PDILT: variants seen among roughly 807,000 people sequenced by gnomAD.
PDILT encodes protein disulfide-isomerase-like protein of the testis.
Under a neutral mutation model 53.7 loss-of-function variants are expected in PDILT, and 43 were observed. The ratio of observed to expected loss-of-function variants is 0.80; its 90% CI spans 0.63 to 1.03. PDILT has a LOEUF of 1.03. PDILT is among the 50% of genes least tolerant of loss of function. The pLI is 0.00. For synonymous variants in PDILT, 282 were observed against 274.2 expected (o/e 1.03, Z -0.28); for missense variants, 727 against 712.3 (o/e 1.02, Z -0.24).
At chr16:20,365,331 A>C in intron 9 of PDILT, 89 bp downstream of exon 9, 1 of 1,475,940 alleles carries the variant, frequency 6.8e-7, no homozygotes. Context: ...GATGGGTTTT[A>C]GAGATTTCAG....
intron 3 of PDILT, among the ~76,000 whole-genome samples, 200 bp from the exon 4 acceptor site, chr16:20,376,401 G>A (rs1269674684): frequency 1.3e-5 from 2 of 152,132 alleles, no homozygotes; most frequent in Non-Finnish European, 2.9e-5. Flanking sequence ...ATGTTACTGA[G>A]CACTCAACAA....
At chr16:20,404,468 G>A (rs1028190887) in intron 1 of PDILT, 28 bp downstream of exon 1, 2 of 152,268 alleles carry the variant, frequency 1.3e-5, no homozygotes, top group Non-Finnish European at 2.9e-5. Flanking sequence ...CCATCAGTCA[G>A]ATTTCCCATT....
intron 7 of PDILT, among the ~76,000 whole-genome samples, chr16:20,372,596 C>T (rs1966322578): frequency 6.7e-6 from 1 of 149,272 alleles, no homozygotes. Flanking sequence ...AGACACTGGG[C>T]AGGAAGAATG....
chr16:20,366,983 CCTTCCTTTCTTTCTTT>C (rs1966205561), intron 8 of PDILT, among the ~76,000 whole-genome samples: 6 of 32,376 alleles, frequency 1.9e-4, no homozygotes, highest in African/African-American at 5.5e-4. Context: ...TTCCTTCCTT[CCTTCCTTTCTTTCTTT>C]CTTTATTTAT....
rs898628034 is a variant in PDILT at position 20,373,669 on chromosome 16, T to C, written c.682-547A>G. ...GCCTACACTTGTGCCAATCACTGAG[T>C]TTTGGCCAATCAAAGGTGGCCAACT... On this transcript the variant is annotated intron_variant, in intron 5 of 11. Coordinates refer to ENST00000302451, the MANE Select transcript of PDILT (RefSeq NM_174924.2). Among the ~76,000 whole-genome samples, 13 of 152,170 alleles carry C rather than the reference T, an allele frequency of 8.5e-5. 1 individual carries two copies.
At chr16:20,392,809 C>T (rs1966621495) in intron 2 of PDILT, among the ~76,000 whole-genome samples, 1 of 152,128 alleles carries the variant, frequency 6.6e-6, no homozygotes. Flanking sequence ...TGATTGGTTC[C>T]CTCTGTAGCC....
At chr16:20,386,414 C>A (rs150830773) in intron 2 of PDILT, among the ~76,000 whole-genome samples, 1 of 152,296 alleles carries the variant, frequency 6.6e-6, no homozygotes, top group African/African-American at 2.4e-5. Flanking sequence ...TGCCGCCCAC[C>A]CCCGTGGTCC....
rs191523507 is a variant in PDILT at position 20,370,935 on chromosome 16, C to T, written c.919-1246G>A. Among the ~76,000 whole-genome samples the T allele has an allele frequency of 7.6e-4, 116 of 152,348 alleles. No individual in the cohort carries two copies. The East Asian group carries it at 0.013, about 17-fold the overall frequency. On this transcript the variant is annotated intron_variant, in intron 7 of 11. Transcript: ENST00000302451. ...AAAGGGGAAGCATGAATAATCCACT[C>T]CTTGTTTAGCATATAATCAAGAAAT... is the stretch of plus-strand genomic sequence containing the variant.
intron 3 of PDILT, among the ~76,000 whole-genome samples, chr16:20,383,951 T>G (rs958798946): frequency 5.3e-5 from 8 of 152,208 alleles, no homozygotes; most frequent in African/African-American, 1.4e-4. Flanking sequence ...ACATGGTAGC[T>G]TGTCAATAAA....
intron 1 of PDILT, 80 bp from the exon 2 acceptor site, chr16:20,399,387 C>T (rs2141624031): frequency 6.8e-6 from 10 of 1,464,996 alleles, no homozygotes; most frequent in Non-Finnish European, 9.4e-6. Context: ...CTTCCTTGTC[C>T]AGCTGGTCCA....
intron 3 of PDILT, among the ~76,000 whole-genome samples, chr16:20,382,521 T>A (rs1016920541): frequency 5.9e-5 from 9 of 152,184 alleles, no homozygotes; most frequent in African/African-American, 2.2e-4. Flanking sequence ...GCAGAAAACA[T>A]TTGCTGACTC....
At chr16:20,372,781 G>T (rs768614622) in intron 7 of PDILT, 21 bp downstream of exon 7, 2 of 1,610,272 alleles carry the variant, frequency 1.2e-6, no homozygotes, top group South Asian at 2.2e-5. Context: ...GTCCCAGAGA[G>T]CAATGGTGCA....
chr16:20,373,962 C>A (rs1022482148), intron 5 of PDILT, among the ~76,000 whole-genome samples: 1 of 151,890 alleles, frequency 6.6e-6, no homozygotes, highest in Non-Finnish European at 1.5e-5. Context: ...TATTGTATTT[C>A]TTTTTGAGAC....
At chr16:20,366,090 CAAAAAAAA>C (rs34816350) in intron 8 of PDILT, among the ~76,000 whole-genome samples, 6 of 72,292 alleles carry the variant, frequency 8.3e-5, no homozygotes, top group Admixed American at 1.6e-4. Flanking sequence ...ATTTCGTCTC[CAAAAAAAA>C]AAAAAAAAAA....
intron 2 of PDILT, among the ~76,000 whole-genome samples, chr16:20,398,183 T>C (rs2141622816): frequency 6.6e-6 from 1 of 152,218 alleles, no homozygotes; most frequent in South Asian, 2.1e-4. Flanking sequence ...TATGGGGAAG[T>C]TGTTATGAAA....
At chr16:20,367,468 T>C (rs1025927871) in intron 8 of PDILT, among the ~76,000 whole-genome samples, 11 of 152,002 alleles carry the variant, frequency 7.2e-5, no homozygotes, top group African/African-American at 2.7e-4. Context: ...ATGGTGACAA[T>C]TGTGGGGAAT....
chr16:20,399,416 T>A (rs557140263), intron 1 of PDILT, 109 bp from the exon 2 acceptor site: 355 of 1,179,762 alleles, frequency 3.0e-4, no homozygotes, highest in Non-Finnish European at 3.8e-4. Context: ...GAATGTGGCC[T>A]GAGCATTGCC....
chr16:20,387,534 C>T (rs1555491317), intron 2 of PDILT, among the ~76,000 whole-genome samples: 1 of 152,162 alleles, frequency 6.6e-6, no homozygotes, highest in Non-Finnish European at 1.5e-5. Context: ...ACTGAATAGA[C>T]TTTGACTTTT....
intron 3 of PDILT, among the ~76,000 whole-genome samples, chr16:20,381,410 G>A (rs1425915802): frequency 6.6e-6 from 1 of 152,092 alleles, no homozygotes; most frequent in Non-Finnish European, 1.5e-5. Context: ...GCCGAGACAG[G>A]TGGATCATGA....
Sources: allele counts gnomAD v4.1 joint callset (sites outside exome capture counted in the v4.1 genomes callset), GRCh38; gene constraint gnomAD v4.1.1; transcripts MANE v1.5; gene names NCBI Gene and HGNC (gene_info 2026-07-23, HGNC 2026-07-21).